PCDHGB1: variants seen among roughly 807,000 people sequenced by gnomAD.
PCDHGB1 encodes the protein protocadherin gamma-B1.
PCDHGB1 carries 34 observed loss-of-function variants against 56.6 expected under a neutral mutation model. That is an observed-to-expected ratio of 0.60 (90% CI 0.46 to 0.80). The LOEUF is 0.80. Ranked by LOEUF, PCDHGB1 falls within the 30% of genes least tolerant of loss-of-function variation. PCDHGB1 has a pLI of 0.00. For synonymous variants in PCDHGB1, 561 were observed against 505.9 expected (o/e 1.11, Z -1.46); for missense variants, 1,278 against 1,204.6 (o/e 1.06, Z -0.90).
chr5:141,415,736 T>G, intron 1 of PCDHGB1: 1 of 1,289,978 alleles, frequency 7.8e-7, no homozygotes, highest in South Asian at 1.8e-5. Context: ...TGATGTTTAT[T>G]AAGGTTTTTT....
At chr5:141,423,250 G>T in intron 1 of PCDHGB1, 1 of 1,613,954 alleles carries the variant, frequency 6.2e-7, no homozygotes, top group Non-Finnish European at 8.5e-7. Context: ...AGTCCTGGCG[G>T]ACCTCGGCAG....
At chr5:141,413,677 G>C (rs539552615) in intron 1 of PCDHGB1, 1 of 1,613,794 alleles carries the variant, frequency 6.2e-7, no homozygotes, top group South Asian at 1.1e-5. Context: ...GGATGTGGGC[G>C]TGAACTCCCT....
intron 1 of PCDHGB1, among the ~76,000 whole-genome samples, chr5:141,444,786 T>C (rs1252217349): frequency 6.6e-6 from 1 of 152,226 alleles, no homozygotes; most frequent in Non-Finnish European, 1.5e-5. Context: ...CATGTTTCAT[T>C]TGTCTATTCT....
chr5:141,395,245 T>G (rs1347101527), intron 1 of PCDHGB1: 1 of 1,571,252 alleles, frequency 6.4e-7, no homozygotes, highest in Admixed American at 1.9e-5. Context: ...CAGGTGAGTT[T>G]AGTTCTTTGC....
At chr5:141,372,615 C>T (rs1244865693) in intron 1 of PCDHGB1, 1 of 1,613,968 alleles carries the variant, frequency 6.2e-7, no homozygotes, top group South Asian at 1.1e-5. Context: ...TGGAGTTCTC[C>T]CCACCTACAG....
intron 1 of PCDHGB1, chr5:141,390,040 C>T (rs2092027580): frequency 6.2e-7 from 1 of 1,614,072 alleles, no homozygotes; most frequent in Non-Finnish European, 8.5e-7. Context: ...TCCTCCAGCC[C>T]CGCCTCCTGG....
rs369748404 is a variant in PCDHGB1 at position 141,476,671 on chromosome 5, G to A, written c.2410-18136G>A. The A allele has an allele frequency of 6.2e-7, 1 of 1,614,128 alleles. No homozygotes were observed. Among genetic ancestry groups the A allele is most frequent in the Non-Finnish European group, 8.5e-7 (1 of 1,180,056 alleles). On this transcript the variant is annotated intron_variant, in intron 1 of 3. Coordinates refer to ENST00000523390, the MANE Select transcript of PCDHGB1 (RefSeq NM_018922.3). This position sits in a 1 kb window ranked among gnomAD's most constrained non-coding sequence, Gnocchi z 7.6. ...ATGAATACTTTGCGCTTCGCGTGCA[G>A]ACGCGGGAGGACAGCACCAAGTACG...
At chr5:141,370,208 G>T (rs1418210186) in intron 1 of PCDHGB1, 3 of 550,220 alleles carry the variant, frequency 5.5e-6, no homozygotes, top group African/African-American at 1.9e-5. Flanking sequence ...CAAAATATTG[G>T]CTCCTCCCGC....
chr5:141,438,895 A>C (rs2098073582), intron 1 of PCDHGB1, among the ~76,000 whole-genome samples: 1 of 151,640 alleles, frequency 6.6e-6, no homozygotes, highest in Non-Finnish European at 1.5e-5. Flanking sequence ...TGAACTCCTG[A>C]CCTCAGGTGA....
intron 1 of PCDHGB1, chr5:141,384,370 T>C (rs769961814): frequency 1.9e-6 from 3 of 1,613,926 alleles, no homozygotes; most frequent in South Asian, 2.2e-5. Context: ...CACTTATTCC[T>C]TGGCCGAAGA....
intron 1 of PCDHGB1, chr5:141,475,916 G>C (rs1396506642): frequency 1.7e-6 from 1 of 595,408 alleles, no homozygotes; most frequent in Non-Finnish European, 2.9e-6. Flanking sequence ...CAATGAAGAC[G>C]CTGGAGATCG....
intron 1 of PCDHGB1, chr5:141,415,268 T>C: frequency 6.2e-7 from 1 of 1,614,174 alleles, no homozygotes; most frequent in Non-Finnish European, 8.5e-7. Flanking sequence ...CTGTACCTGG[T>C]GGTAGCGGTG....
intron 1 of PCDHGB1, chr5:141,390,885 TGTGA>T (rs2092262333): frequency 6.5e-6 from 1 of 152,688 alleles, no homozygotes; most frequent in African/African-American, 2.4e-5. Flanking sequence ...TGTGTGTGTG[TGTGA>T]GAGAGATCCT....
intron 1 of PCDHGB1, among the ~76,000 whole-genome samples, chr5:141,445,417 A>C (rs1483224509): frequency 6.6e-6 from 1 of 152,208 alleles, no homozygotes; most frequent in Non-Finnish European, 1.5e-5. Context: ...ACTGTCTGCT[A>C]TATGCAAGGC....
At chr5:141,374,945 A>T (rs779694385) in intron 1 of PCDHGB1, 1 of 1,614,034 alleles carries the variant, frequency 6.2e-7, no homozygotes, top group Non-Finnish European at 8.5e-7. Context: ...TACAGAAAAG[A>T]TCTCACAAAT....
intron 1 of PCDHGB1, among the ~76,000 whole-genome samples, chr5:141,460,995 A>G (rs566978077): frequency 1.1e-4 from 17 of 150,188 alleles, no homozygotes; most frequent in South Asian, 2.1e-4. Flanking sequence ...ATATATATAT[A>G]TGTGTATATA....
intron 1 of PCDHGB1, chr5:141,423,297 C>T: frequency 1.9e-6 from 3 of 1,614,170 alleles, no homozygotes; most frequent in South Asian, 1.1e-5. Flanking sequence ...CCTCAGACCT[C>T]TCGCTGTACT....
chr5:141,390,020 C>A, intron 1 of PCDHGB1: 2 of 1,614,048 alleles, frequency 1.2e-6, no homozygotes, highest in Non-Finnish European at 1.7e-6. Flanking sequence ...TTGCCTTGCG[C>A]CTGCGACGCT....
intron 1 of PCDHGB1, among the ~76,000 whole-genome samples, chr5:141,451,429 G>A (rs577699188): frequency 1.3e-3 from 195 of 152,306 alleles, no homozygotes; most frequent in African/African-American, 4.5e-3. Flanking sequence ...TAGACTAAGG[G>A]TTCCAGTTCC....
Sources: allele counts gnomAD v4.1 joint callset (sites outside exome capture counted in the v4.1 genomes callset), GRCh38; gene constraint gnomAD v4.1.1; non-coding constraint Gnocchi (gnomAD v3.1); transcripts MANE v1.5; gene names NCBI Gene and HGNC (gene_info 2026-07-23, HGNC 2026-07-21).